The following IREB2 variants were observed in gnomAD, a reference collection of about 807,000 sequenced individuals.
IREB2 encodes the protein iron responsive element binding protein 2.
In IREB2, 39 loss-of-function variants were observed where a neutral mutation model predicts 118.8. The ratio of observed to expected loss-of-function variants is 0.33; its 90% CI spans 0.25 to 0.43. IREB2 has a LOEUF of 0.43. Ranked by LOEUF, IREB2 falls within the 20% of genes least tolerant of loss-of-function variation. The pLI, the probability that IREB2 is intolerant of heterozygous loss-of-function variation, is 1.00. For synonymous variants in IREB2, 372 were observed against 392.2 expected (o/e 0.95, Z 0.61); for missense variants, 900 against 1,147.3 (o/e 0.78, Z 3.11).
intron 4 of IREB2, 65 bp from the exon 5 acceptor site, chr15:78,466,206 T>G: frequency 9.1e-7 from 1 of 1,098,514 alleles, no homozygotes; most frequent in African/African-American, 1.6e-5. Flanking sequence ...TGTGCGTTTT[T>G]TTTTAAGAGC....
chr15:78,484,708 A>G, intron 11 of IREB2, 53 bp from the exon 12 acceptor site: 1 of 1,347,620 alleles, frequency 7.4e-7, no homozygotes, highest in Middle Eastern at 2.6e-4. Context: ...CCAGTCTTTT[A>G]TTCTGTACAT....
intron 5 of IREB2, among the ~76,000 whole-genome samples, chr15:78,467,346 T>G (rs953466831): frequency 6.6e-6 from 1 of 152,238 alleles, no homozygotes; most frequent in Non-Finnish European, 1.5e-5. Context: ...AAAAGAATTC[T>G]ATTCCTAGGA....
chr15:78,482,991 G>C (rs1338964024), intron 10 of IREB2, among the ~76,000 whole-genome samples: 1 of 151,890 alleles, frequency 6.6e-6, no homozygotes, highest in South Asian at 2.1e-4. Flanking sequence ...TGCCCACCTC[G>C]GCCTCCCAGA....
intron 13 of IREB2, 93 bp downstream of exon 13, chr15:78,485,933 G>GA (rs1156283599): frequency 2.4e-5 from 25 of 1,061,800 alleles, no homozygotes; most frequent in Non-Finnish European, 2.7e-5. Flanking sequence ...AGAGAAGATA[G>GA]AAAAAATATG....
intron 12 of IREB2, 80 bp from the exon 13 acceptor site, chr15:78,485,625 C>T: frequency 1.5e-6 from 2 of 1,363,184 alleles, no homozygotes; most frequent in Non-Finnish European, 1.0e-6. Flanking sequence ...AAATAAATTA[C>T]TTCTCACTTT....
At chr15:78,468,249 G>A (rs964406478) in intron 5 of IREB2, among the ~76,000 whole-genome samples, 1 of 152,058 alleles carries the variant, frequency 6.6e-6, no homozygotes, top group African/African-American at 2.4e-5. Context: ...TTAGTAAACT[G>A]TCTTTTTTTT....
At chr15:78,473,630 A>G (rs1366494919) in intron 8 of IREB2, 1 of 413,230 alleles carries the variant, frequency 2.4e-6, no homozygotes, top group African/African-American at 2.0e-5. Context: ...TGTGAGATGG[A>G]TACTATTACT....
At chr15:78,489,093 A>G (rs2051707569) in intron 16 of IREB2, among the ~76,000 whole-genome samples, 1 of 152,088 alleles carries the variant, frequency 6.6e-6, no homozygotes, top group Non-Finnish European at 1.5e-5. Flanking sequence ...TTGGTGGCGC[A>G]TGCCTGTAAT....
intron 10 of IREB2, among the ~76,000 whole-genome samples, chr15:78,480,631 G>T (rs1349049769): frequency 1.4e-5 from 2 of 142,938 alleles, no homozygotes; most frequent in African/African-American, 5.2e-5. Flanking sequence ...GGAGGTTGCA[G>T]TGAGCTGAGA....
At chr15:78,494,099 C>G in intron 19 of IREB2, 43 bp downstream of exon 19, 1 of 1,612,828 alleles carries the variant, frequency 6.2e-7, no homozygotes, top group Non-Finnish European at 8.5e-7. Flanking sequence ...ATAACTGGAT[C>G]AAAATTTGTA....
chr15:78,460,663 A>G (rs1183668557), intron 2 of IREB2, among the ~76,000 whole-genome samples: 1 of 152,194 alleles, frequency 6.6e-6, no homozygotes, highest in Non-Finnish European at 1.5e-5. Context: ...AGAAACAACA[A>G]ACAGTTGTTA....
chr15:78,485,626 T>A, intron 12 of IREB2, 79 bp from the exon 13 acceptor site: 1 of 1,372,506 alleles, frequency 7.3e-7, no homozygotes, highest in South Asian at 1.4e-5. Flanking sequence ...AATAAATTAC[T>A]TCTCACTTTT....
chr15:78,488,200 A>G lies in IREB2; in HGVS notation c.1815A>G (p.Gly605=). 2 of 1,606,788 alleles carry G rather than the reference A, an allele frequency of 1.2e-6. No individual in the cohort carries two copies. The highest frequency in any genetic ancestry group is 1.7e-6 in the Non-Finnish European group (2 of 1,177,878). Residue 605 remains glycine, a synonymous_variant, in exon 15 of 22, where the codon GGA becomes GGG. Coordinates refer to ENST00000258886, the MANE Select transcript of IREB2 (RefSeq NM_004136.4). Reference sequence around the variant, plus strand: ...TTCAGGGTGATTTGGTTACCTGTGGAATTTTATCTGGAAACAAAAATTTTG... The same window carrying G: ...TTCAGGGTGATTTGGTTACCTGTGGGATTTTATCTGGAAACAAAAATTTTG... The part of the protein sequence containing the change: ...AVKQGDLVTC[G]ILSGNKNFEG...
intron 2 of IREB2, among the ~76,000 whole-genome samples, chr15:78,460,946 C>T (rs2051186748): frequency 6.6e-6 from 1 of 152,106 alleles, no homozygotes; most frequent in Non-Finnish European, 1.5e-5. Flanking sequence ...ACATGCCCTT[C>T]TAGGTCTTGT....
intron 2 of IREB2, among the ~76,000 whole-genome samples, chr15:78,455,866 G>C (rs1377131659): frequency 2.0e-5 from 3 of 152,192 alleles, no homozygotes; most frequent in African/African-American, 7.2e-5. Flanking sequence ...TGTAGGTCAG[G>C]AATTTGCAGT....
intron 2 of IREB2, among the ~76,000 whole-genome samples, chr15:78,453,304 T>C (rs2047213004): frequency 6.6e-6 from 1 of 152,082 alleles, no homozygotes; most frequent in African/African-American, 2.4e-5. Context: ...ATTAGCTCTT[T>C]TGAATATTGC....
At chr15:78,496,861 G>A (rs1265003015) in intron 20 of IREB2, among the ~76,000 whole-genome samples, 1 of 152,128 alleles carries the variant, frequency 6.6e-6, no homozygotes, top group Admixed American at 6.6e-5. Flanking sequence ...CCCATTTATA[G>A]AGCTCTTATG....
chr15:78,490,298 G>A (rs575175228), intron 16 of IREB2, 124 bp from the exon 17 acceptor site: 29 of 573,110 alleles, frequency 5.1e-5, no homozygotes, highest in Non-Finnish European at 8.1e-5. Context: ...AATGGATAAG[G>A]CCTATTTTTG....
chr15:78,478,853 C>A (rs1036553917), intron 10 of IREB2, among the ~76,000 whole-genome samples: 5 of 152,198 alleles, frequency 3.3e-5, no homozygotes, highest in African/African-American at 2.4e-5. Flanking sequence ...ATGACAATAT[C>A]TACCTCTAAG....
Sources: gnomAD v4.1 joint callset for allele counts (sites outside exome capture counted in the v4.1 genomes callset) on GRCh38, gnomAD v4.1.1 for gene constraint, MANE v1.5 for transcripts, NCBI Gene and HGNC (gene_info 2026-07-23, HGNC 2026-07-21) for gene names.